Variants in CDKL1 observed in about 807,000 individuals in gnomAD.
CDKL1 encodes the protein cyclin dependent kinase like 1, also known as cyclin-dependent kinase-like 1.
CDKL1 carries 41 observed loss-of-function variants against 42.0 expected under a neutral mutation model. The observed-to-expected ratio is 0.98, with a 90% CI of 0.76 to 1.27. CDKL1 has a LOEUF of 1.27. Among genes scored for constraint, CDKL1 ranks in the 50% most tolerant of loss-of-function variants. The pLI is 0.00. For synonymous variants in CDKL1, 153 were observed against 158.6 expected (o/e 0.96, Z 0.26); for missense variants, 394 against 428.4 (o/e 0.92, Z 0.71).
intron 8 of CDKL1, chr14:50,333,991 A>G (rs376286603): frequency 6.6e-6 from 1 of 151,892 alleles, no homozygotes; most frequent in South Asian, 2.1e-4. Flanking sequence ...TTTCTGAAGA[A>G]AAAGTTCCCT....
intron 3 of CDKL1, among the ~76,000 whole-genome samples, chr14:50,355,188 CTAAT>C (rs1471831693): frequency 6.6e-6 from 1 of 151,998 alleles, no homozygotes; most frequent in African/African-American, 2.4e-5. Context: ...ATTTACGTAA[CTAAT>C]TATCTATTGT....
chr14:50,375,668 G>A (rs1007525776), intron 2 of CDKL1, among the ~76,000 whole-genome samples: 1 of 152,118 alleles, frequency 6.6e-6, no homozygotes, highest in African/African-American at 2.4e-5. Context: ...GTGGTGGCAG[G>A]CACCTGTAAT....
chr14:50,335,127 C>G (rs58270537), intron 7 of CDKL1, among the ~76,000 whole-genome samples: 1 of 146,852 alleles, frequency 6.8e-6, no homozygotes, highest in Admixed American at 6.8e-5. Flanking sequence ...GTCTGTCTCT[C>G]TAAAAAAAAT....
rs928809846 is a variant in CDKL1 at position 50,358,969 on chromosome 14, CT to C, written c.290+58del. 8.3e-6 allele frequency: 13 copies of C among 1,566,624 alleles called. No individual in the cohort carries two copies. In the Admixed American group the frequency reaches 2.2e-4, roughly 27 times the overall value. On this transcript the variant is annotated intron_variant, in intron 3 of 9. Coordinates refer to ENST00000395834, the MANE Select transcript of CDKL1 (RefSeq NM_004196.7). Reference sequence around the variant, plus strand: ...CTAGTCTTAAAAAGAGTCATTGCCACTTTTCGCTCACAAATCCCAGTGTGTC... The same window carrying C: ...CTAGTCTTAAAAAGAGTCATTGCCACTTTCGCTCACAAATCCCAGTGTGTC...
At chr14:50,334,831 G>C (rs11570856) in intron 7 of CDKL1, 6,662 of 515,526 alleles carry the variant, frequency 0.013, 366 homozygotes, top group African/African-American at 0.12. Context: ...AATTTGCTTC[G>C]TAACTACTCC....
intron 2 of CDKL1, among the ~76,000 whole-genome samples, chr14:50,379,193 T>G (rs1443235263): frequency 6.6e-6 from 1 of 152,182 alleles, no homozygotes; most frequent in African/African-American, 2.4e-5. Context: ...CTTTGAAGGT[T>G]GGGCTTTTAG....
At chr14:50,335,596 A>C in intron 7 of CDKL1, 2 of 1,534,480 alleles carry the variant, frequency 1.3e-6, no homozygotes, top group Non-Finnish European at 1.7e-6. Context: ...TCAGGCAGAC[A>C]AACAGGCCAG....
intron 3 of CDKL1, among the ~76,000 whole-genome samples, chr14:50,351,751 A>G (rs1358273989): frequency 6.6e-6 from 1 of 151,122 alleles, no homozygotes; most frequent in Non-Finnish European, 1.5e-5. Context: ...AAAAAAAAAA[A>G]GGTCAGGGGA....
chr14:50,388,265 TA>T (rs2035146438), intron 2 of CDKL1, among the ~76,000 whole-genome samples: 2 of 152,272 alleles, frequency 1.3e-5, no homozygotes, highest in Non-Finnish European at 2.9e-5. Context: ...ATGAAAGTTC[TA>T]ATTAGATTCT....
Position 50,395,692 on chromosome 14 carries a change from A to G in CDKL1, c.168+9T>C, listed in dbSNP as rs1160813997. The G allele has an allele frequency of 6.3e-7, 1 of 1,582,144 alleles. No homozygotes were observed. Among genetic ancestry groups the G allele is most frequent in the Admixed American group, 1.7e-5 (1 of 57,882 alleles). Reference sequence around the variant, plus strand: ...GAAAAAGAAAAAAAAGGAAAAGTGAATCAATTACCTTGAGCATTCGGATTT... The same window carrying G: ...GAAAAAGAAAAAAAAGGAAAAGTGAGTCAATTACCTTGAGCATTCGGATTT... On this transcript the variant is annotated intron_variant, in intron 2 of 9. Coordinates refer to ENST00000395834, the MANE Select transcript of CDKL1 (RefSeq NM_004196.7).
At chr14:50,335,075 C>G (rs934875585) in intron 7 of CDKL1, among the ~76,000 whole-genome samples, 3 of 151,096 alleles carry the variant, frequency 2.0e-5, no homozygotes, top group African/African-American at 7.3e-5. Flanking sequence ...ATGGCTTGAG[C>G]CCAGGAATTT....
At chr14:50,341,780 C>CAA (rs11381667) in intron 5 of CDKL1, among the ~76,000 whole-genome samples, 485 of 129,214 alleles carry the variant, frequency 3.8e-3, no homozygotes, top group East Asian at 0.022. Flanking sequence ...GACCCTGTCT[C>CAA]AAAAAAAAAA....
intron 2 of CDKL1, among the ~76,000 whole-genome samples, chr14:50,364,938 A>C (rs10129984): frequency 0.65 from 98,466 of 152,020 alleles, 32,104 homozygotes; most frequent in Non-Finnish European, 0.67. Context: ...AGAACCTAGG[A>C]AAGGAGACAG....
intron 2 of CDKL1, among the ~76,000 whole-genome samples, chr14:50,394,908 G>C (rs2035354345): frequency 6.6e-6 from 1 of 152,130 alleles, no homozygotes; most frequent in Admixed American, 6.5e-5. Flanking sequence ...AGGCCAAGGT[G>C]GAAGGATCAC....
intron 2 of CDKL1, among the ~76,000 whole-genome samples, chr14:50,392,350 G>T (rs1229366759): frequency 6.6e-6 from 1 of 151,960 alleles, no homozygotes; most frequent in Non-Finnish European, 1.5e-5. Flanking sequence ...GGAGGCTGAG[G>T]CAGGAGAATC....
In CDKL1 at chr14:50,396,248, A is replaced by G; in HGVS notation, c.-380T>C. On this transcript the variant is annotated 5_prime_UTR_variant, in exon 2 of 10. Coordinates refer to ENST00000395834, the MANE Select transcript of CDKL1 (RefSeq NM_004196.7). ...AAAAGAAAAGAAAGGATCTTCACAT[A>G]GTTTGAAAACGTCGCTTATAAAATA... is the stretch of plus-strand genomic sequence containing the variant. The G allele has an allele frequency of 9.7e-7, 1 of 1,029,106 alleles. No individual in the cohort carries two copies. The highest frequency in any genetic ancestry group is 1.2e-6 in the Non-Finnish European group (1 of 857,976). 63.7% of individuals were successfully genotyped at this position (1,029,106 alleles called of 1,614,324 possible).
At chr14:50,342,424 A>C in intron 4 of CDKL1, 1 of 1,346,504 alleles carries the variant, frequency 7.4e-7, no homozygotes, top group African/African-American at 1.5e-5. Flanking sequence ...TAAAAGGCCC[A>C]AAAGAGCCAA....
chr14:50,357,507 C>T (rs1162850048), intron 3 of CDKL1, among the ~76,000 whole-genome samples: 6 of 152,112 alleles, frequency 3.9e-5, no homozygotes, highest in East Asian at 1.9e-4. Context: ...GTTGGGCTCC[C>T]GAGAACACAG....
intron 2 of CDKL1, chr14:50,390,089 T>A (rs1289388216): frequency 5.2e-6 from 6 of 1,146,198 alleles, no homozygotes; most frequent in Non-Finnish European, 7.3e-6. Flanking sequence ...ACAATGATAC[T>A]TGGCAGTTTG....
Sources: allele counts gnomAD v4.1 joint callset (sites outside exome capture counted in the v4.1 genomes callset), GRCh38; gene constraint gnomAD v4.1.1; transcripts MANE v1.5; gene names NCBI Gene and HGNC (gene_info 2026-07-23, HGNC 2026-07-21).